Variants in CCSER1 observed in about 807,000 individuals in gnomAD.
The protein encoded by CCSER1 is coiled-coil serine rich protein 1.
In CCSER1, 41 loss-of-function variants were observed where a neutral mutation model predicts 82.0. That is an observed-to-expected ratio of 0.50 (90% CI 0.39 to 0.65). The LOEUF is 0.65. CCSER1 is among the 30% of genes least tolerant of loss of function. The pLI, the probability that CCSER1 is intolerant of heterozygous loss-of-function variation, is 0.00. For synonymous variants in CCSER1, 414 were observed against 383.9 expected (o/e 1.08, Z -0.92); for missense variants, 1,119 against 1,064.2 (o/e 1.05, Z -0.72).
intron 5 of CCSER1, among the ~76,000 whole-genome samples, chr4:90,513,428 T>C (rs1441120711): frequency 1.3e-5 from 2 of 152,210 alleles, no homozygotes; most frequent in African/African-American, 4.8e-5. Context: ...AATGAGCATG[T>C]CAACACTGGA....
chr4:91,134,432 C>A (rs1006382844), intron 10 of CCSER1, among the ~76,000 whole-genome samples: 5 of 146,314 alleles, frequency 3.4e-5, no homozygotes, highest in Admixed American at 6.7e-5. Flanking sequence ...AAAAAAAAAA[C>A]AAAAACAAAC....
chr4:90,544,438 C>A (rs79428743), intron 5 of CCSER1, among the ~76,000 whole-genome samples: 4,993 of 152,142 alleles, frequency 0.033, 276 homozygotes, highest in African/African-American at 0.11. Context: ...AAGTTCCTAG[C>A]GTGAAACTTC....
At chr4:90,993,245 CCT>C (rs1473207481) in intron 9 of CCSER1, among the ~76,000 whole-genome samples, 1 of 151,896 alleles carries the variant, frequency 6.6e-6, no homozygotes, top group Admixed American at 6.6e-5. Context: ...TCAGATTGCT[CCT>C]CTCTCTTTTT....
rs554327923 is a variant in CCSER1 at position 91,482,145 on chromosome 4, G to T, written c.2218-116427G>T. Among the ~76,000 whole-genome samples the T allele has an allele frequency of 2.0e-3, 309 of 151,572 alleles. 9 individuals are homozygous for T. In the South Asian group the frequency reaches 0.063, roughly 31 times the overall value. On this transcript the variant is annotated intron_variant, in intron 10 of 10. Coordinates refer to ENST00000509176, the MANE Select transcript of CCSER1 (RefSeq NM_001145065.2). ...GGGCCGGGCGCGGTGGCTCACGCCTGTAATCCCAGCACTTTGGGAGGCTGA... is the reference window on the plus strand; with the variant it reads ...GGGCCGGGCGCGGTGGCTCACGCCTTTAATCCCAGCACTTTGGGAGGCTGA...
chr4:91,011,499 G>A (rs1739002592), intron 9 of CCSER1, among the ~76,000 whole-genome samples: 3 of 133,842 alleles, frequency 2.2e-5, no homozygotes, highest in Non-Finnish European at 5.2e-5. Flanking sequence ...GTCTTGGGCT[G>A]TAGATTCCCT....
chr4:91,239,017 GT>G (rs1263186601), intron 10 of CCSER1, among the ~76,000 whole-genome samples: 5 of 151,892 alleles, frequency 3.3e-5, no homozygotes, highest in Non-Finnish European at 7.4e-5. Context: ...GTAGAGACAG[GT>G]TTTCACCACT....
chr4:90,777,100 A>T (rs1019371638), intron 7 of CCSER1, among the ~76,000 whole-genome samples: 4 of 152,150 alleles, frequency 2.6e-5, no homozygotes, highest in African/African-American at 4.8e-5. Flanking sequence ...TCATGCCTGT[A>T]ATCCCAGCAC....
At chr4:91,525,594 C>A (rs1053989150) in intron 10 of CCSER1, among the ~76,000 whole-genome samples, 1 of 152,128 alleles carries the variant, frequency 6.6e-6, no homozygotes, top group Non-Finnish European at 1.5e-5. Flanking sequence ...TCCTCTCACG[C>A]TTTAAGCTAG....
intron 6 of CCSER1, among the ~76,000 whole-genome samples, chr4:90,664,567 G>A (rs897160056): frequency 3.3e-5 from 5 of 151,952 alleles, no homozygotes; most frequent in Admixed American, 6.6e-5. Context: ...TAGATACTTG[G>A]GTAATTGACA....
intron 8 of CCSER1, among the ~76,000 whole-genome samples, chr4:90,825,816 A>G (rs988222633): frequency 1.6e-4 from 23 of 140,108 alleles, no homozygotes; most frequent in African/African-American, 6.2e-4. Context: ...TGCAACCTCC[A>G]CTTCCCAGGT....
At chr4:90,892,400 T>C (rs1366319211) in intron 8 of CCSER1, among the ~76,000 whole-genome samples, 1 of 152,032 alleles carries the variant, frequency 6.6e-6, no homozygotes, top group Non-Finnish European at 1.5e-5. Flanking sequence ...AAGAAGGATT[T>C]TGCTTATTTG....
intron 9 of CCSER1, among the ~76,000 whole-genome samples, chr4:90,975,500 G>A (rs534127373): frequency 6.6e-6 from 1 of 151,208 alleles, no homozygotes; most frequent in East Asian, 1.9e-4. Flanking sequence ...GAATTTTATG[G>A]TATGTGATTT....
chr4:90,779,081 C>T (rs1248723639), intron 7 of CCSER1, among the ~76,000 whole-genome samples: 1 of 152,146 alleles, frequency 6.6e-6, no homozygotes, highest in Non-Finnish European at 1.5e-5. Flanking sequence ...AATATTATGT[C>T]ATATCCCTGT....
At chr4:90,960,791 G>A (rs1733979492) in intron 9 of CCSER1, among the ~76,000 whole-genome samples, 1 of 152,136 alleles carries the variant, frequency 6.6e-6, no homozygotes, top group Non-Finnish European at 1.5e-5. Context: ...TACAAGACTA[G>A]ATTGGGTCTA....
intron 1 of CCSER1, among the ~76,000 whole-genome samples, chr4:90,302,462 G>A (rs1733338648): frequency 6.6e-6 from 1 of 152,124 alleles, no homozygotes; most frequent in African/African-American, 2.4e-5. Context: ...TCCCAAGCTG[G>A]TGGACCCAAA....
chr4:90,637,041 A>C (rs750114769), intron 6 of CCSER1, among the ~76,000 whole-genome samples: 2 of 152,228 alleles, frequency 1.3e-5, no homozygotes, highest in Non-Finnish European at 2.9e-5. Context: ...TCAGCTGTAA[A>C]ATCTAGTAGA....
chr4:91,241,313 T>G (rs1739341227), intron 10 of CCSER1, among the ~76,000 whole-genome samples: 1 of 70,170 alleles, frequency 1.4e-5, no homozygotes. Flanking sequence ...CTGAAATCTC[T>G]ACTCATAAAA....
intron 5 of CCSER1, among the ~76,000 whole-genome samples, chr4:90,603,126 G>GA (rs1227656488): frequency 1.3e-5 from 2 of 152,108 alleles, no homozygotes; most frequent in Admixed American, 6.5e-5. Context: ...ACTTCTTTCA[G>GA]AAAAAATGAA....
In CCSER1 at chr4:91,496,777, G is replaced by C. The variant is rs1457444258; in HGVS notation, c.2218-101795G>C. Among the ~76,000 whole-genome samples the C allele has an allele frequency of 2.9e-3, 236 of 80,756 alleles. 48 individuals carry two copies. The highest frequency in any genetic ancestry group is 3.8e-3 in the Admixed American group (22 of 5,862). The allele number at this position is 80,756 out of a possible 152,430, so 53.0% of individuals were successfully genotyped here. On this transcript the variant is annotated intron_variant, in intron 10 of 10. Transcript: ENST00000509176. ...AATATATATATATTCAATATATATT[G>C]AATATATATTGAATATATATTTGAA...
Sources: allele counts gnomAD v4.1 joint callset (sites outside exome capture counted in the v4.1 genomes callset), GRCh38; gene constraint gnomAD v4.1.1; transcripts MANE v1.5; gene names NCBI Gene and HGNC (gene_info 2026-07-23, HGNC 2026-07-21).